TPSG1: variants seen among roughly 807,000 people sequenced by gnomAD.
TPSG1 encodes tryptase gamma.
Under a neutral mutation model 23.8 loss-of-function variants are expected in TPSG1, and 43 were observed. That is an observed-to-expected ratio of 1.81 (90% CI 1.42 to 2.33). The LOEUF (loss-of-function observed/expected upper bound fraction) is 2.33. Among genes scored for constraint, TPSG1 ranks in the 30% most tolerant of loss-of-function variants. The probability of loss-of-function intolerance (pLI) is 0.00; values close to 1 mark genes in which losing one functional copy is unlikely to be tolerated. For missense variants in TPSG1, 623 were observed against 438.6 expected (o/e 1.42, Z -3.75); for synonymous variants, 302 against 201.3 (o/e 1.50, Z -4.23).
In TPSG1 at chr16:1,222,077, A is replaced by G. The variant is rs1970520679; in HGVS notation, c.677T>C (p.Leu226Pro). ...CCAGGCACCGTTCACCTGGCAGACCAGAGGCCCCCCGGAGTCGTCCTGAGG... is the reference window on the plus strand; with the variant it reads ...CCAGGCACCGTTCACCTGGCAGACCGGAGGCCCCCCGGAGTCGTCCTGAGG... ...DACQDDSGGP[L>P]VCQVNGAWVQ... Residue 226 changes from leucine (L) to proline (P), a missense_variant, in exon 6 of 6, where the codon CTG becomes CCG. By Grantham distance (98) the Leu-to-Pro change is moderately conservative. Coordinates refer to ENST00000234798, the MANE Select transcript of TPSG1 (RefSeq NM_012467.4). The G allele has an allele frequency of 6.2e-7, 1 of 1,612,796 alleles. No homozygotes were observed.
At chr16:1,224,264 G>A (rs1415936598) in intron 2 of TPSG1, 2 of 308,514 alleles carry the variant, frequency 6.5e-6, no homozygotes, top group East Asian at 1.6e-4. Context: ...GCGGGTGTGG[G>A]GTGGGGCACC....
intron 4 of TPSG1, 149 bp downstream of exon 4, chr16:1,222,503 G>T (rs1390431361): frequency 7.7e-7 from 1 of 1,296,854 alleles, no homozygotes; most frequent in Non-Finnish European, 1.1e-6. Flanking sequence ...CCACACGACA[G>T]GCTTTGAAAA....
intron 3 of TPSG1, among the ~76,000 whole-genome samples, 171 bp from the exon 4 acceptor site, chr16:1,223,088 G>A (rs894874203): frequency 2.0e-5 from 3 of 152,304 alleles, no homozygotes; most frequent in Non-Finnish European, 2.9e-5. Flanking sequence ...CAAGGACCAC[G>A]GCAGCACCTT....
chr16:1,225,188 C>T lies in TPSG1; in HGVS notation c.46+19G>A, dbSNP rs758616610. 1.3e-6 allele frequency: 2 copies of T among 1,568,084 alleles called. No homozygotes were observed. Among genetic ancestry groups the T allele is most frequent in the South Asian group, 1.2e-5 (1 of 85,066 alleles). ...AAGCAGATGCCCCCCCATCCCCACA[C>T]CCAGGCCAGGTCACCCACCGGGCAC... On this transcript the variant is annotated intron_variant, in intron 1 of 5. Coordinates refer to ENST00000234798, the MANE Select transcript of TPSG1 (RefSeq NM_012467.4).
chr16:1,222,214 GC>G lies in TPSG1; in HGVS notation c.638del (p.Gly213AlafsTer18). 1 of 1,611,654 alleles carries G rather than the reference GC, an allele frequency of 6.2e-7. No homozygotes were observed. Among genetic ancestry groups the G allele is most frequent in the Non-Finnish European group, 8.5e-7 (1 of 1,179,748 alleles). ...GGCTCACCTGGCAGGCATCCCCGGG[GC>G]CCCGGGCACACAGCATGTCGGGCTG... is the stretch of plus-strand genomic sequence containing the variant. Reference protein sequence around the residue: ...ILQPDMLCARGPGDACQDDSG... With the variant: ...ILQPDMLCARXPGDACQDDSG... On this transcript the variant is annotated frameshift_variant, in exon 5 of 6. Transcript: ENST00000234798. LOFTEE classifies it low-confidence loss of function (END_TRUNC).
At position 1,221,980 on chromosome 16, in the gene TPSG1, G is replaced by C. The variant is rs753265931; in HGVS notation, c.774C>G (p.Val258=). ...GGCGGATCCAGTTCACGTAGGCAGGGACACGAGTGTAGACTCCCGGCCTGT... is the reference window on the plus strand; with the variant it reads ...GGCGGATCCAGTTCACGTAGGCAGGCACACGAGTGTAGACTCCCGGCCTGT... ...RPNRPGVYTR[V]PAYVNWIRRH... Residue 258 remains valine, a synonymous_variant, in exon 6 of 6, where the codon GTC becomes GTG. Transcript: ENST00000234798. The C allele has an allele frequency of 6.2e-7, 1 of 1,612,440 alleles. No individual in the cohort carries two copies. Among genetic ancestry groups the C allele is most frequent in the East Asian group, 2.2e-5 (1 of 44,876 alleles).
intron 2 of TPSG1, 82 bp from the exon 3 acceptor site, chr16:1,223,676 A>C: frequency 6.9e-7 from 1 of 1,448,242 alleles, no homozygotes; most frequent in East Asian, 2.6e-5. Flanking sequence ...CCCTGACCAC[A>C]CCTCCCTGCC....
rs781573531 is a variant in TPSG1, at chr16:1,222,718, C to T, written c.445G>A (p.Ala149Thr). The T allele has an allele frequency of 4.8e-5, 77 of 1,609,340 alleles. No homozygotes were observed. The highest frequency in any genetic ancestry group is 3.4e-4 in the Middle Eastern group (2 of 5,890). ...SRILPVCLPE[A>T]SDDFCPGIRC... ...ATCCCAGGGCAGAAGTCATCTGAGGCCTCCGGGAGGCAGACGGGCAGGATC... is the reference window on the plus strand; with the variant it reads ...ATCCCAGGGCAGAAGTCATCTGAGGTCTCCGGGAGGCAGACGGGCAGGATC... The change falls in exon 4 of 6, where the codon GCC becomes ACC. Residue 149 changes from alanine (A) to threonine (T), a missense_variant. By Grantham distance (58) the Ala-to-Thr change is moderately conservative. Transcript: ENST00000234798.
chr16:1,223,773 G>T (rs996587124), intron 2 of TPSG1, 179 bp from the exon 3 acceptor site: 37 of 695,086 alleles, frequency 5.3e-5, no homozygotes, highest in Middle Eastern at 3.6e-4. Context: ...CGTCTCAGGA[G>T]CAGTGAGCGC....
At chr16:1,223,633 A>C in intron 2 of TPSG1, 39 bp from the exon 3 acceptor site, 1 of 1,524,244 alleles carries the variant, frequency 6.6e-7, no homozygotes, top group Non-Finnish European at 8.8e-7. Flanking sequence ...TGGGGATCCC[A>C]AGAAACCCAC....
chr16:1,224,516 C>A lies in TPSG1; in HGVS notation c.73+86G>T, dbSNP rs377103030. On this transcript the variant is annotated intron_variant, in intron 2 of 5. Transcript: ENST00000234798. ...TGACCTCCCCGGGCCCCCATTGGGACCCCAGGGAAGGAGAGGGTCACCGAG... is the reference window on the plus strand; with the variant it reads ...TGACCTCCCCGGGCCCCCATTGGGAACCCAGGGAAGGAGAGGGTCACCGAG... The A allele has an allele frequency of 1.3e-5, 21 of 1,567,254 alleles. No homozygotes were observed. The East Asian group carries it at 4.5e-4, about 33-fold the overall frequency.
Position 1,222,829 on chromosome 16 carries a change from GGAT to G in TPSG1, c.331_333del (p.Ile111del). ...GGCTGTCCTGAGGGGCTGGAGTGCA[GGAT>G]GATCTGCCTCACGGTGGAGAAGTGG... On this transcript the variant is annotated inframe_deletion, in exon 4 of 6. Coordinates refer to ENST00000234798, the MANE Select transcript of TPSG1 (RefSeq NM_012467.4). The G allele has an allele frequency of 6.2e-7, 1 of 1,611,826 alleles. No individual in the cohort carries two copies. The highest frequency in any genetic ancestry group is 8.5e-7 in the Non-Finnish European group (1 of 1,179,656).
At chr16:1,224,909 T>A in intron 1 of TPSG1, 2 of 590,036 alleles carry the variant, frequency 3.4e-6, no homozygotes, top group East Asian at 5.7e-5. Flanking sequence ...AAATCACCAG[T>A]GTTCTAGGGC....
Position 1,221,803 on chromosome 16 carries a change from G to A in TPSG1, c.951C>T (p.Phe317=). ...LLHPSADGTP[F]PAPD is the part of the protein sequence containing the mutation. ...ATTCCTGCCATCAGTCAGGGGCGGGGAAGGGAGTACCATCCGCAGATGGGT... is the reference window on the plus strand; with the variant it reads ...ATTCCTGCCATCAGTCAGGGGCGGGAAAGGGAGTACCATCCGCAGATGGGT... Residue 317 remains phenylalanine (F), a synonymous_variant, in exon 6 of 6, where the codon TTC becomes TTT. Coordinates refer to ENST00000234798, the MANE Select transcript of TPSG1 (RefSeq NM_012467.4). 6.2e-7 allele frequency: 1 copy of A among 1,605,474 alleles called. No homozygotes were observed. The highest frequency in any genetic ancestry group is 1.3e-5 in the African/African-American group (1 of 74,870).
rs1596487230 is a variant in TPSG1, at chr16:1,223,576, A to T, written c.92T>A (p.Val31Asp). 1 of 1,542,376 alleles carries T rather than the reference A, an allele frequency of 6.5e-7. No individual in the cohort carries two copies. Among genetic ancestry groups the T allele is most frequent in the East Asian group, 2.5e-5 (1 of 40,698 alleles). ...TLQPGCGRPQ[V>D]SDAGGRIVGG... is the part of the protein sequence containing the mutation. ...CACGATCCGGCCGCCTGCATCCGAAACCTGCGGCCGGCCACACCCTAAGTC... is the reference window on the plus strand; with the variant it reads ...CACGATCCGGCCGCCTGCATCCGAATCCTGCGGCCGGCCACACCCTAAGTC... Residue 31 changes from valine (V) to aspartate (D), a missense_variant, in exon 3 of 6, where the codon GTT becomes GAT. Physicochemically the swap from Val to Asp is radical, Grantham distance 152. Coordinates refer to ENST00000234798, the MANE Select transcript of TPSG1 (RefSeq NM_012467.4).
chr16:1,223,807 C>G (rs1377028843), intron 2 of TPSG1: 15 of 571,118 alleles, frequency 2.6e-5, no homozygotes, highest in Non-Finnish European at 3.9e-5. Context: ...GTCGTCCTTT[C>G]TAAGCACCAT....
Position 1,223,036 on chromosome 16 carries a change from G to A in TPSG1, c.246-119C>T, listed in dbSNP as rs529907843. The A allele has an allele frequency of 8.5e-6, 11 of 1,293,058 alleles. 1 individual carries two copies. In the South Asian group the frequency reaches 1.7e-4, roughly 20 times the overall value. 80.1% of individuals were successfully genotyped at this position (1,293,058 alleles called of 1,614,324 possible). On this transcript the variant is annotated intron_variant, in intron 3 of 5. Transcript: ENST00000234798. ...AGCCCAGCTCTTCCCTCCTAGGCTT[G>A]GGACGCAGAAAGCCTGGGCAGTGGC...
intron 2 of TPSG1, 137 bp downstream of exon 2, chr16:1,224,465 C>A: frequency 8.9e-7 from 1 of 1,128,936 alleles, no homozygotes; most frequent in South Asian, 1.4e-5. Flanking sequence ...CCGAGAGATG[C>A]GAGCAGAAAC....
chr16:1,225,209 G>C lies in TPSG1; in HGVS notation c.44C>G (p.Pro15Arg). 6.3e-7 allele frequency: 1 copy of C among 1,576,960 alleles called. No individual in the cohort carries two copies. Among genetic ancestry groups the C allele is most frequent in the Non-Finnish European group, 8.6e-7 (1 of 1,161,714 alleles). ...CACACCCAGGCCAGGTCACCCACCG[G>C]GCACAGCCAGGAGCAGCAGGAGGCC... ...ACGLLLLLAV[P>R]GVSLRTLQPG... The change falls in exon 1 of 6, where the codon CCC (proline) becomes CGC (arginine). Residue 15 changes from proline (P) to arginine (R), a missense_variant and splice_region_variant. Pro to Arg is a moderately radical substitution (Grantham distance 103). Transcript: ENST00000234798.
Sources: allele counts gnomAD v4.1 joint callset (sites outside exome capture counted in the v4.1 genomes callset), GRCh38; gene constraint gnomAD v4.1.1; transcripts MANE v1.5; gene names NCBI Gene and HGNC (gene_info 2026-07-23, HGNC 2026-07-21).